EYS: variants seen among roughly 807,000 people sequenced by gnomAD.
EYS encodes protein eyes shut homolog.
A neutral mutation model predicts 282.1 loss-of-function variants in EYS; 250 were observed. That is an observed-to-expected ratio of 0.89 (90% CI 0.80 to 0.98). EYS has a LOEUF of 0.98. EYS is among the 50% of genes least tolerant of loss of function. EYS has a pLI of 0.00. For missense variants in EYS, 4,016 were observed against 3,709.0 expected, an observed-to-expected ratio of 1.08 and a Z score of -2.15; for synonymous variants, 1,355 against 1,282.9, an observed-to-expected ratio of 1.06 and a Z score of -1.20.
chr6:65,702,724 T>G (rs1769723486), intron 1 of EYS, among the ~76,000 whole-genome samples: 1 of 151,482 alleles, frequency 6.6e-6, no homozygotes, highest in South Asian at 2.1e-4. Context: ...AAATAAATAA[T>G]AAAATAAAAT....
At chr6:64,892,629 C>T (rs1379254120) in intron 18 of EYS, among the ~76,000 whole-genome samples, 1 of 151,914 alleles carries the variant, frequency 6.6e-6, no homozygotes, top group Non-Finnish European at 1.5e-5. Context: ...TATGAATAAT[C>T]TATTTTATAT....
At chr6:65,017,509 A>T (rs1426478722) in intron 13 of EYS, among the ~76,000 whole-genome samples, 1 of 152,196 alleles carries the variant, frequency 6.6e-6, no homozygotes, top group Non-Finnish European at 1.5e-5. Context: ...CATGTTAGTA[A>T]AATATTTTGT....
chr6:65,526,657 T>G (rs550158891), intron 2 of EYS, among the ~76,000 whole-genome samples: 2 of 152,070 alleles, frequency 1.3e-5, no homozygotes, highest in East Asian at 3.9e-4. Context: ...ATACAAAAAA[T>G]TACCTGGGCG....
chr6:63,985,888 C>G (rs1249206644), intron 34 of EYS, among the ~76,000 whole-genome samples: 1 of 151,756 alleles, frequency 6.6e-6, no homozygotes, highest in East Asian at 1.9e-4. Flanking sequence ...GACAAAGACA[C>G]CAAAAGTAAT....
intron 12 of EYS, among the ~76,000 whole-genome samples, chr6:65,060,088 C>T (rs1773524194): frequency 6.6e-6 from 1 of 151,952 alleles, no homozygotes; most frequent in Non-Finnish European, 1.5e-5. Context: ...GATGAAATAG[C>T]TAACAATTTC....
At chr6:64,224,290 A>AT (rs1321655474) in intron 31 of EYS, among the ~76,000 whole-genome samples, 2 of 151,824 alleles carry the variant, frequency 1.3e-5, no homozygotes, top group African/African-American at 4.8e-5. Flanking sequence ...TTATTTCTCA[A>AT]TTTTTCTCCC....
At chr6:65,338,574 T>C (rs1029246326) in intron 10 of EYS, among the ~76,000 whole-genome samples, 2 of 151,034 alleles carry the variant, frequency 1.3e-5, no homozygotes, top group African/African-American at 4.8e-5. Flanking sequence ...ATTATGTACA[T>C]AAAATATATA....
At chr6:65,108,246 A>G (rs1053939386) in intron 12 of EYS, among the ~76,000 whole-genome samples, 1 of 152,094 alleles carries the variant, frequency 6.6e-6, no homozygotes, top group Non-Finnish European at 1.5e-5. Context: ...CTTCTTGGTT[A>G]CGGAAAGATA....
chr6:64,259,906 C>T (rs1469535045), intron 30 of EYS, among the ~76,000 whole-genome samples: 1 of 151,836 alleles, frequency 6.6e-6, no homozygotes, highest in Non-Finnish European at 1.5e-5. Flanking sequence ...TTTTATCTGC[C>T]TAAGGTGCCT....
chr6:64,292,908 G>A (rs950690511), intron 30 of EYS, among the ~76,000 whole-genome samples: 2 of 152,036 alleles, frequency 1.3e-5, no homozygotes, highest in East Asian at 1.9e-4. Flanking sequence ...TATAGATGAG[G>A]AAACTATGAA....
intron 1 of EYS, among the ~76,000 whole-genome samples, chr6:65,648,040 T>C (rs973642594): frequency 2.1e-5 from 3 of 142,958 alleles, no homozygotes; most frequent in African/African-American, 7.8e-5. Context: ...GATCTTGGCG[T>C]GGATGTGGTG....
chr6:64,497,613 G>T (rs947637741), intron 26 of EYS, among the ~76,000 whole-genome samples: 1 of 151,774 alleles, frequency 6.6e-6, no homozygotes, highest in African/African-American at 2.4e-5. Context: ...TAGGTAGAGG[G>T]GTGATATACT....
intron 30 of EYS, among the ~76,000 whole-genome samples, chr6:64,235,142 G>T (rs1357671215): frequency 6.6e-6 from 1 of 151,024 alleles, no homozygotes; most frequent in South Asian, 2.1e-4. Context: ...ACAATGTGTA[G>T]GTTAGTTACA....
chr6:64,846,980 G>A (rs1469379393), intron 19 of EYS, among the ~76,000 whole-genome samples: 1 of 150,076 alleles, frequency 6.7e-6, no homozygotes, highest in African/African-American at 2.4e-5. Flanking sequence ...ATTCAAATCT[G>A]TAAACTGAGT....
chr6:65,405,058 G>C lies in EYS; in HGVS notation c.1056+116C>G, dbSNP rs573415330. 7.2e-5 allele frequency: 53 copies of C among 734,752 alleles called. No individual in the cohort carries two copies. In the South Asian group the frequency reaches 9.7e-4, roughly 13 times the overall value. The allele number at this position is 734,752 out of a possible 1,614,324, so 45.5% of individuals were successfully genotyped here. ...ATAAGTAGACCGTTCTTGTTCGTCT[G>C]AGTTTAACAATTAAACTACCTTAAT... On this transcript the variant is annotated intron_variant, in intron 6 of 42. Transcript: ENST00000503581.
chr6:64,526,994 C>T (rs2150529212), intron 26 of EYS, among the ~76,000 whole-genome samples: 1 of 151,820 alleles, frequency 6.6e-6, no homozygotes. Flanking sequence ...GAGCAGATTC[C>T]ATACTGTGGA....
chr6:64,977,999 C>T (rs957724180), intron 14 of EYS, among the ~76,000 whole-genome samples: 2 of 151,892 alleles, frequency 1.3e-5, no homozygotes, highest in African/African-American at 4.8e-5. Flanking sequence ...ACAATAGAAG[C>T]AGCAAGTGAC....
chr6:63,743,097 G>T (rs920546132), intron 41 of EYS, among the ~76,000 whole-genome samples: 2 of 152,086 alleles, frequency 1.3e-5, no homozygotes, highest in South Asian at 4.1e-4. Flanking sequence ...CCAACAATAT[G>T]TGAGGGATCT....
intron 2 of EYS, among the ~76,000 whole-genome samples, chr6:65,590,989 A>C (rs1377270528): frequency 6.6e-6 from 1 of 151,950 alleles, no homozygotes; most frequent in Non-Finnish European, 1.5e-5. Context: ...GTGAATATAT[A>C]CCCAGTGCTG....
Sources: allele counts gnomAD v4.1 joint callset (sites outside exome capture counted in the v4.1 genomes callset), GRCh38; gene constraint gnomAD v4.1.1; transcripts MANE v1.5; gene names NCBI Gene and HGNC (gene_info 2026-07-23, HGNC 2026-07-21).